SLC33A1: variants seen among roughly 807,000 people sequenced by gnomAD.
SLC33A1 encodes solute carrier family 33 member 1.
A neutral mutation model predicts 50.0 loss-of-function variants in SLC33A1; 20 were observed. That is an observed-to-expected ratio of 0.40 (90% confidence interval 0.28 to 0.58). The LOEUF (loss-of-function observed/expected upper bound fraction) is 0.58. Among genes scored for constraint, SLC33A1 ranks in the 20% least tolerant of loss-of-function variants. The probability of loss-of-function intolerance (pLI) is 0.44; values close to 1 mark genes in which losing one functional copy is unlikely to be tolerated. For missense variants in SLC33A1, 476 were observed against 657.0 expected, an observed-to-expected ratio of 0.72 and a Z score of 3.01; for synonymous variants, 265 against 251.8, an observed-to-expected ratio of 1.05 and a Z score of -0.50.
chr3:155,849,909 GAATAATAAT>G (rs71138683), intron 1 of SLC33A1, among the ~76,000 whole-genome samples: 6,644 of 133,918 alleles, frequency 0.05, 164 homozygotes, highest in Middle Eastern at 0.062. Context: ...CTCCATCTCA[GAATAATAAT>G]AATAATAATA....
intron 2 of SLC33A1, among the ~76,000 whole-genome samples, chr3:155,836,370 C>CTTGGAA (rs1271667412): frequency 7.1e-6 from 1 of 141,500 alleles, no homozygotes; most frequent in African/African-American, 2.6e-5. Context: ...ACGGTAACTT[C>CTTGGAA]TTGGAATAGA....
chr3:155,838,314 A>C (rs1000589979), intron 2 of SLC33A1, among the ~76,000 whole-genome samples: 1 of 150,922 alleles, frequency 6.6e-6, no homozygotes, highest in African/African-American at 2.4e-5. Flanking sequence ...AAAAAAAAAA[A>C]CTTAAAAAAA....
Position 155,824,467 on chromosome 3 carries a change from A to G in SLC33A1, c.*3743T>C, listed in dbSNP as rs976010761. The G allele has an allele frequency of 1.5e-4, 23 of 152,296 alleles. No homozygotes were observed. The highest frequency in any genetic ancestry group is 4.1e-4 in the African/African-American group (17 of 41,560). 9.4% of individuals were successfully genotyped at this position (152,296 alleles called of 1,614,324 possible). A position where few individuals can be genotyped will look rare whatever the true frequency, so the allele number is the denominator to read the frequency against. ...AGAAAAAAAAGGTTAAATCATGAAG[A>G]TTTCTCTTTTGTAGGATATAATTCA... On this transcript the variant is annotated 3_prime_UTR_variant, in exon 6 of 6. Coordinates refer to ENST00000643144, the MANE Select transcript of SLC33A1 (RefSeq NM_004733.4).
intron 4 of SLC33A1, among the ~76,000 whole-genome samples, chr3:155,830,286 T>C (rs1050846617): frequency 6.6e-6 from 1 of 151,272 alleles, no homozygotes; most frequent in Non-Finnish European, 1.5e-5. Flanking sequence ...GGCAGGAGAA[T>C]GGCGTGAACC....
chr3:155,839,513 G>A (rs140452869), intron 2 of SLC33A1, among the ~76,000 whole-genome samples: 140 of 151,378 alleles, frequency 9.2e-4, no homozygotes, highest in African/African-American at 2.8e-3. Flanking sequence ...ATGAGATTAC[G>A]GAAAATTTAA....
chr3:155,851,560 TTTTTA>T (rs1213475888), intron 1 of SLC33A1, among the ~76,000 whole-genome samples: 2 of 151,814 alleles, frequency 1.3e-5, no homozygotes, highest in African/African-American at 2.4e-5. Flanking sequence ...CGTGACTTAT[TTTTTA>T]TTTTATTTAT....
intron 1 of SLC33A1, among the ~76,000 whole-genome samples, chr3:155,843,578 C>A (rs1307889048): frequency 6.6e-6 from 1 of 152,092 alleles, no homozygotes; most frequent in Admixed American, 6.5e-5. Context: ...TGCTAAACAG[C>A]TAAAAATAAT....
In SLC33A1 at chr3:155,853,422, A is replaced by G. The variant is rs1753491054; in HGVS notation, c.576T>C (p.Thr192=). 3 of 1,614,094 alleles carry G rather than the reference A, an allele frequency of 1.9e-6. No homozygotes were observed. Among genetic ancestry groups the G allele is most frequent in the Non-Finnish European group, 2.5e-6 (3 of 1,180,040 alleles). The change falls in exon 1 of 6, where the codon ACT becomes ACC. Residue 192 remains threonine, a synonymous_variant. Transcript: ENST00000643144. ...AFFLFEFLAA[T]QDIAVDGWAL... Reference sequence around the variant, plus strand: ...CCCAACCATCGACGGCAATGTCCTGAGTGGCGGCCAAGAATTCAAACAAAA... The same window carrying G: ...CCCAACCATCGACGGCAATGTCCTGGGTGGCGGCCAAGAATTCAAACAAAA...
rs1244788745 is a variant in SLC33A1 at position 155,823,710 on chromosome 3, G to GT, written c.*4499dup. Reference sequence around the variant, plus strand: ...GGTCTGCAGTAGGTGTTTTTGTTTTGTTTTTGTTTGTTTGTTTTTGAAACG... The same window carrying GT: ...GGTCTGCAGTAGGTGTTTTTGTTTTGTTTTTTGTTTGTTTGTTTTTGAAACG... On this transcript the variant is annotated 3_prime_UTR_variant, in exon 6 of 6. Coordinates refer to ENST00000643144, the MANE Select transcript of SLC33A1 (RefSeq NM_004733.4). 6.6e-6 allele frequency: 1 copy of GT among 151,886 alleles called. No individual in the cohort carries two copies. The highest frequency in any genetic ancestry group is 2.1e-4 in the South Asian group (1 of 4,808). The allele number at this position is 151,886 out of a possible 1,614,324, so 9.4% of individuals were successfully genotyped here.
Position 155,821,268 on chromosome 3 carries a change from T to G in SLC33A1, c.*6942A>C, listed in dbSNP as rs1299373428. ...TTCCAAAAGTGGTAACAGAAATGAT[T>G]GTGTGCTGTGTATCTCTAATTCAAA... On this transcript the variant is annotated 3_prime_UTR_variant, in exon 6 of 6. Transcript: ENST00000643144. 1 of 152,206 alleles carries G rather than the reference T, an allele frequency of 6.6e-6. No individual in the cohort carries two copies. Among genetic ancestry groups the G allele is most frequent in the Non-Finnish European group, 1.5e-5 (1 of 68,024 alleles). The allele number at this position is 152,206 out of a possible 1,614,324, so 9.4% of individuals were successfully genotyped here. A position where few individuals can be genotyped will look rare whatever the true frequency, so the allele number is the denominator to read the frequency against.
chr3:155,841,097 G>C (rs1331070683), intron 2 of SLC33A1, among the ~76,000 whole-genome samples: 2 of 150,990 alleles, frequency 1.3e-5, no homozygotes. Flanking sequence ...CAGACCCCTG[G>C]CTCTGTTGCC....
At chr3:155,837,198 T>C (rs1206040874) in intron 2 of SLC33A1, among the ~76,000 whole-genome samples, 1 of 151,666 alleles carries the variant, frequency 6.6e-6, no homozygotes, top group Admixed American at 6.6e-5. Context: ...CTACTAAAAA[T>C]ACACAAAATT....
At chr3:155,846,471 G>C (rs79398546) in intron 1 of SLC33A1, among the ~76,000 whole-genome samples, 1 of 78,740 alleles carries the variant, frequency 1.3e-5, no homozygotes, top group African/African-American at 6.7e-5. Flanking sequence ...TTTTTTTTTT[G>C]AGACTGAGTT....
rs1049778725 is a variant in SLC33A1, at chr3:155,825,962, T to C, written c.*2248A>G. The stretch of plus-strand genomic sequence containing the variant: ...TATTAACAAGTTATTTTGACATGCA[T>C]TACATACATGTATTCAAATTAACTA... On this transcript the variant is annotated 3_prime_UTR_variant, in exon 6 of 6. Coordinates refer to ENST00000643144, the MANE Select transcript of SLC33A1 (RefSeq NM_004733.4). 1.3e-5 allele frequency: 2 copies of C among 152,234 alleles called. No individual in the cohort carries two copies. The highest frequency in any genetic ancestry group is 2.9e-5 in the Non-Finnish European group (2 of 68,034). 9.4% of individuals were successfully genotyped at this position (152,234 alleles called of 1,614,324 possible).
intron 2 of SLC33A1, 57 bp from the exon 3 acceptor site, chr3:155,834,098 C>T (rs1752561781): frequency 1.4e-6 from 2 of 1,423,354 alleles, no homozygotes; most frequent in African/African-American, 2.8e-5. Flanking sequence ...TATTTTCCTC[C>T]ATGCATATGT....
intron 1 of SLC33A1, among the ~76,000 whole-genome samples, chr3:155,846,709 T>C (rs556539172): frequency 1.3e-5 from 2 of 151,738 alleles, no homozygotes; most frequent in South Asian, 4.2e-4. Context: ...CACCTCGGCC[T>C]CCCAAAGTGC....
chr3:155,842,373 G>A (rs985901251), intron 2 of SLC33A1, 59 bp downstream of exon 2: 6 of 1,070,458 alleles, frequency 5.6e-6, no homozygotes, highest in Non-Finnish European at 7.1e-6. Context: ...GGCATTGTAA[G>A]TATTCCATGA....
Position 155,833,845 on chromosome 3 carries a change from T to C in SLC33A1, c.1148+12A>G. 6.2e-7 allele frequency: 1 copy of C among 1,604,052 alleles called. No homozygotes were observed. The highest frequency in any genetic ancestry group is 8.5e-7 in the Non-Finnish European group (1 of 1,171,138). ...CCCTTTCTTATTTAGTAAGGTTTTA[T>C]TTCATTTTTACCTGTAGGGCATGGC... On this transcript the variant is annotated intron_variant, in intron 3 of 5. Coordinates refer to ENST00000643144, the MANE Select transcript of SLC33A1 (RefSeq NM_004733.4).
chr3:155,852,939 G>A (rs1311587655), intron 1 of SLC33A1, among the ~76,000 whole-genome samples: 1 of 152,172 alleles, frequency 6.6e-6, no homozygotes, highest in Non-Finnish European at 1.5e-5. Context: ...CTTTTTAAAA[G>A]TGTGCATTTG....
Sources: allele counts gnomAD v4.1 joint callset (sites outside exome capture counted in the v4.1 genomes callset), GRCh38; gene constraint gnomAD v4.1.1; transcripts MANE v1.5; gene names NCBI Gene and HGNC (gene_info 2026-07-23, HGNC 2026-07-21).